CLSTN2: variants seen among roughly 807,000 people sequenced by gnomAD.
CLSTN2 encodes the protein calsyntenin-2.
A neutral mutation model predicts 101.2 loss-of-function variants in CLSTN2; 48 were observed. That is an observed-to-expected ratio of 0.47 (90% CI 0.38 to 0.60). The LOEUF (loss-of-function observed/expected upper bound fraction) is 0.60. Among genes scored for constraint, CLSTN2 ranks in the 20% least tolerant of loss-of-function variants. The pLI, the probability that CLSTN2 is intolerant of heterozygous loss-of-function variation, is 0.00. For synonymous variants in CLSTN2, 481 were observed against 463.6 expected, an observed-to-expected ratio of 1.04 and a Z score of -0.48; for missense variants, 1,160 against 1,238.2, an observed-to-expected ratio of 0.94 and a Z score of 0.95.
intron 2 of CLSTN2, among the ~76,000 whole-genome samples, chr3:140,259,170 GA>G: frequency 6.8e-6 from 1 of 147,636 alleles, no homozygotes; most frequent in Admixed American, 6.8e-5. Flanking sequence ...ATAATTGATT[GA>G]AAAAAAAAAG....
chr3:140,333,696 G>GTA (rs2087411065), intron 2 of CLSTN2, among the ~76,000 whole-genome samples: 2 of 152,092 alleles, frequency 1.3e-5, no homozygotes, highest in African/African-American at 4.8e-5. Flanking sequence ...GTGTGTGTGT[G>GTA]TGTGTGTGTG....
intron 1 of CLSTN2, among the ~76,000 whole-genome samples, chr3:140,123,254 C>T (rs1006062553): frequency 2.0e-5 from 3 of 151,812 alleles, no homozygotes; most frequent in Non-Finnish European, 2.9e-5. Context: ...TCATTCTAGT[C>T]CTTTTATAAG....
chr3:140,086,933 C>T (rs952800694), intron 1 of CLSTN2, among the ~76,000 whole-genome samples: 10 of 152,172 alleles, frequency 6.6e-5, no homozygotes, highest in Non-Finnish European at 1.3e-4. Context: ...TTTAACTTGG[C>T]ACTATGATAG....
rs187847022 is a variant in CLSTN2 at position 140,133,189 on chromosome 3, C to T, written c.110-42762C>T. ...CCAAGAGAGAGGGAGGGGTGCCAGG[C>T]TCCTTTAAACAACCAGCTTTCTTGT... On this transcript the variant is annotated intron_variant, in intron 1 of 16. Coordinates refer to ENST00000458420, the MANE Select transcript of CLSTN2 (RefSeq NM_022131.3). Among the ~76,000 whole-genome samples the T allele has an allele frequency of 1.6e-4, 25 of 152,090 alleles. No individual in the cohort carries two copies. In the East Asian group the frequency reaches 4.8e-3, roughly 29 times the overall value.
intron 2 of CLSTN2, among the ~76,000 whole-genome samples, chr3:140,350,051 G>C (rs2087588841): frequency 6.6e-6 from 1 of 152,208 alleles, no homozygotes; most frequent in Non-Finnish European, 1.5e-5. Flanking sequence ...TTAGACAAAG[G>C]CTGAGGGTTA....
intron 8 of CLSTN2, among the ~76,000 whole-genome samples, chr3:140,467,023 C>T (rs759342124): frequency 4.6e-5 from 7 of 152,216 alleles, no homozygotes. Context: ...GAAGCCAGTT[C>T]TCCTGATCCC....
chr3:140,172,198 T>C (rs1228267773), intron 1 of CLSTN2, among the ~76,000 whole-genome samples: 1 of 142,634 alleles, frequency 7.0e-6, no homozygotes, highest in Non-Finnish European at 1.5e-5. Context: ...GTACCTACTC[T>C]ATATCCAGAC....
At chr3:140,101,091 G>T (rs2008958236) in intron 1 of CLSTN2, among the ~76,000 whole-genome samples, 1 of 152,142 alleles carries the variant, frequency 6.6e-6, no homozygotes, top group African/African-American at 2.4e-5. Context: ...GGAACTATTG[G>T]TTACATGTCC....
chr3:140,494,421 C>G (rs1286058089), intron 8 of CLSTN2, among the ~76,000 whole-genome samples: 1 of 152,216 alleles, frequency 6.6e-6, no homozygotes, highest in Non-Finnish European at 1.5e-5. Flanking sequence ...CAGCTGATTG[C>G]TCTTCCAAAG....
rs141414243 is a variant in CLSTN2 at position 140,290,321 on chromosome 3, A to G, written c.233-113308A>G. 3.9e-3 allele frequency among the ~76,000 whole-genome samples: 587 copies of G among 152,238 alleles called. 2 individuals are homozygous for G. The highest frequency in any genetic ancestry group is 0.013 in the African/African-American group (559 of 41,534). On this transcript the variant is annotated intron_variant, in intron 2 of 16. Transcript: ENST00000458420. ...GGAAATACAGGGAGTTTAAAAGGTG[A>G]CTAAGAGGACAGAGCTCTGCCTCCA... is the stretch of plus-strand genomic sequence containing the variant.
In CLSTN2 at chr3:140,566,802, TTC is replaced by T. The variant is rs10662926; in HGVS notation, c.*569_*570del. ...AAGTTTACAGGGAAAGGTACACACATTCTCTCTCTCTCTCTCTCTCTGTCTAT... is the reference window on the plus strand; with the variant it reads ...AAGTTTACAGGGAAAGGTACACACATTCTCTCTCTCTCTCTCTCTGTCTAT... On this transcript the variant is annotated 3_prime_UTR_variant, in exon 17 of 17. Transcript: ENST00000458420. 5.6e-4 allele frequency: 85 copies of T among 151,682 alleles called. No individual in the cohort carries two copies. The highest frequency in any genetic ancestry group is 1.6e-3 in the South Asian group (8 of 4,856). 9.4% of individuals were successfully genotyped at this position (151,682 alleles called of 1,614,324 possible).
chr3:140,492,187 G>T (rs1222016120), intron 8 of CLSTN2, among the ~76,000 whole-genome samples: 1 of 152,170 alleles, frequency 6.6e-6, no homozygotes, highest in Non-Finnish European at 1.5e-5. Context: ...CCAGGATTTG[G>T]CAAGAATGCA....
chr3:140,447,406 G>A (rs555406407), intron 5 of CLSTN2, among the ~76,000 whole-genome samples: 137 of 152,328 alleles, frequency 9.0e-4, no homozygotes, highest in African/African-American at 3.2e-3. Context: ...CAGTCACTGG[G>A]AGCCTGCCTT....
At chr3:139,967,697 A>T (rs1935624767) in intron 1 of CLSTN2, among the ~76,000 whole-genome samples, 2 of 152,202 alleles carry the variant, frequency 1.3e-5, no homozygotes, top group Admixed American at 6.5e-5. Context: ...TTGCCAATTT[A>T]TTCTTTTCTT....
chr3:140,557,969 A>G (rs1233166546), intron 11 of CLSTN2, among the ~76,000 whole-genome samples: 1 of 152,238 alleles, frequency 6.6e-6, no homozygotes, highest in African/African-American at 2.4e-5. Context: ...AATTATTGTT[A>G]TCTCCACTGT....
At chr3:140,062,997 G>C (rs2008232693) in intron 1 of CLSTN2, among the ~76,000 whole-genome samples, 5 of 152,134 alleles carry the variant, frequency 3.3e-5, no homozygotes, top group Admixed American at 3.3e-4. Flanking sequence ...TTGTGATCTT[G>C]AGATACATAT....
intron 1 of CLSTN2, among the ~76,000 whole-genome samples, chr3:140,030,809 G>C (rs1029442261): frequency 6.6e-6 from 1 of 152,234 alleles, no homozygotes; most frequent in African/African-American, 2.4e-5. Context: ...TCTTCACTAA[G>C]TACCCAAAAT....
intron 8 of CLSTN2, among the ~76,000 whole-genome samples, chr3:140,484,944 C>A (rs1334756785): frequency 6.6e-6 from 1 of 152,182 alleles, no homozygotes; most frequent in African/African-American, 2.4e-5. Context: ...TCGTCTGAAG[C>A]CTTCTCCTCT....
intron 2 of CLSTN2, among the ~76,000 whole-genome samples, chr3:140,381,184 C>T (rs893125550): frequency 6.6e-6 from 1 of 152,180 alleles, no homozygotes. Flanking sequence ...AGCCACATGG[C>T]CATTATCTCC....
Sources: gnomAD v4.1 joint callset for allele counts (sites outside exome capture counted in the v4.1 genomes callset) on GRCh38, gnomAD v4.1.1 for gene constraint, MANE v1.5 for transcripts, NCBI Gene and HGNC (gene_info 2026-07-23, HGNC 2026-07-21) for gene names.